The following RNLS variants were observed in gnomAD, a reference collection of about 807,000 sequenced individuals.
RNLS encodes renalase.
Under a neutral mutation model 39.8 loss-of-function variants are expected in RNLS, and 39 were observed. That is an observed-to-expected ratio of 0.98 (90% CI 0.76 to 1.28). RNLS has a LOEUF of 1.28. Among genes scored for constraint, RNLS ranks in the 50% most tolerant of loss-of-function variants. RNLS has a pLI of 0.00. For synonymous variants in RNLS, 147 were observed against 150.7 expected (o/e 0.98, Z 0.18); for missense variants, 410 against 413.3 (o/e 0.99, Z 0.07).
At chr10:88,499,996 G>A (rs1845384511) in intron 4 of RNLS, among the ~76,000 whole-genome samples, 1 of 152,098 alleles carries the variant, frequency 6.6e-6, no homozygotes, top group Non-Finnish European at 1.5e-5. Flanking sequence ...GGTGAGGCTT[G>A]GAGAAAGAAT....
intron 6 of RNLS, among the ~76,000 whole-genome samples, chr10:88,311,558 A>T (rs965705242): frequency 6.6e-6 from 1 of 152,190 alleles, no homozygotes; most frequent in Non-Finnish European, 1.5e-5. Flanking sequence ...ACAGCTCCCA[A>T]GTCTTTCAAA....
Position 88,346,896 on chromosome 10 carries a change from G to A in RNLS, c.700+15656C>T, listed in dbSNP as rs182724534. On this transcript the variant is annotated intron_variant, in intron 5 of 6. Transcript: ENST00000331772. ...AAGCAGCAGGCTCTGCAGTCAGAGCGTATTACTTCTTTAGCCCATGAGACA... is the reference window on the plus strand; with the variant it reads ...AAGCAGCAGGCTCTGCAGTCAGAGCATATTACTTCTTTAGCCCATGAGACA... 4.9e-4 allele frequency among the ~76,000 whole-genome samples: 74 copies of A among 152,284 alleles called. No individual in the cohort carries two copies. The South Asian group carries it at 8.3e-3, about 17-fold the overall frequency.
the RNLS span, among the ~76,000 whole-genome samples, chr10:88,264,117 C>T: frequency 0.13 from 19,609 of 152,130 alleles, 1,584 homozygotes; most frequent in East Asian, 0.23. Flanking sequence ...TAATGGTCTC[C>T]AATTCCATCC....
At chr10:88,576,935 G>C (rs1850245200) in intron 3 of RNLS, among the ~76,000 whole-genome samples, 1 of 152,100 alleles carries the variant, frequency 6.6e-6, no homozygotes, top group Non-Finnish European at 1.5e-5. Context: ...TGCAGCAACA[G>C]CCCTCCCTAT....
intron 4 of RNLS, among the ~76,000 whole-genome samples, chr10:88,547,099 T>C (rs1235981945): frequency 6.6e-6 from 1 of 152,246 alleles, no homozygotes; most frequent in Non-Finnish European, 1.5e-5. Context: ...ATTTCATTAT[T>C]CTGAAGCAGT....
intron 4 of RNLS, among the ~76,000 whole-genome samples, chr10:88,397,903 T>A (rs1852660034): frequency 6.6e-6 from 1 of 151,780 alleles, no homozygotes; most frequent in South Asian, 2.1e-4. Flanking sequence ...ATCAATGAAA[T>A]AAAATTGAGA....
chr10:88,205,575 G>C, the RNLS span, among the ~76,000 whole-genome samples: 1 of 152,126 alleles, frequency 6.6e-6, no homozygotes, highest in East Asian at 1.9e-4. Context: ...CCAAAGAAGA[G>C]TACTAAATAC....
the RNLS span, among the ~76,000 whole-genome samples, chr10:88,181,323 T>G: frequency 6.6e-6 from 1 of 152,164 alleles, no homozygotes. Context: ...AACAGGGGCC[T>G]ATTCTTCCCT....
chr10:88,391,524 C>T (rs548954967), intron 4 of RNLS, among the ~76,000 whole-genome samples: 1 of 152,262 alleles, frequency 6.6e-6, no homozygotes, highest in Admixed American at 6.5e-5. Context: ...CGCCACTGCA[C>T]TCCAGCCTGG....
chr10:88,411,517 C>A (rs1853652194), intron 4 of RNLS, among the ~76,000 whole-genome samples: 1 of 150,888 alleles, frequency 6.6e-6, no homozygotes, highest in Non-Finnish European at 1.5e-5. Flanking sequence ...TAAGCCCCAT[C>A]TTCTGTTTTT....
At chr10:88,448,964 A>C (rs1178273667) in intron 4 of RNLS, among the ~76,000 whole-genome samples, 1 of 152,220 alleles carries the variant, frequency 6.6e-6, no homozygotes, top group Non-Finnish European at 1.5e-5. Flanking sequence ...ACACTTGGAC[A>C]CAGGAAGGGG....
chr10:88,384,799 T>A (rs1376646423), intron 4 of RNLS, among the ~76,000 whole-genome samples: 1 of 152,224 alleles, frequency 6.6e-6, no homozygotes, highest in Non-Finnish European at 1.5e-5. Flanking sequence ...GCTATTGAGT[T>A]GACGTTTGTT....
chr10:88,557,814 A>G (rs1462712920), intron 4 of RNLS, among the ~76,000 whole-genome samples: 22 of 152,144 alleles, frequency 1.4e-4, no homozygotes, highest in Admixed American at 1.4e-3. Flanking sequence ...TCAGATGGGG[A>G]AAAGTTTAAT....
the RNLS span, among the ~76,000 whole-genome samples, chr10:88,182,277 G>C: frequency 6.6e-6 from 1 of 152,010 alleles, no homozygotes; most frequent in South Asian, 2.1e-4. Context: ...CCAGGTGACC[G>C]GATGTACCTA....
chr10:88,221,749 G>A, the RNLS span, among the ~76,000 whole-genome samples: 1 of 152,078 alleles, frequency 6.6e-6, no homozygotes, highest in Non-Finnish European at 1.5e-5. Context: ...TCTGGTGTAT[G>A]TGTTGCACAT....
At chr10:88,455,824 C>T (rs1842600040) in intron 4 of RNLS, among the ~76,000 whole-genome samples, 1 of 152,114 alleles carries the variant, frequency 6.6e-6, no homozygotes, top group Non-Finnish European at 1.5e-5. Flanking sequence ...TTGGTTATTT[C>T]CCACAAAACA....
chr10:88,192,244 T>C, the RNLS span, among the ~76,000 whole-genome samples: 1 of 152,142 alleles, frequency 6.6e-6, no homozygotes, highest in Non-Finnish European at 1.5e-5. Flanking sequence ...TTTTAGTTTC[T>C]TCATCTGTAA....
intron 6 of RNLS, among the ~76,000 whole-genome samples, chr10:88,302,884 G>A (rs933340074): frequency 6.6e-6 from 1 of 152,180 alleles, no homozygotes; most frequent in African/African-American, 2.4e-5. Context: ...GAGGCAAGAT[G>A]GCTGACTAGA....
the RNLS span, among the ~76,000 whole-genome samples, chr10:88,173,086 C>A: frequency 6.6e-6 from 1 of 151,856 alleles, no homozygotes; most frequent in Non-Finnish European, 1.5e-5. Flanking sequence ...TCTCGATCTC[C>A]TGACCTTGTG....
Sources: allele counts gnomAD v4.1 joint callset (sites outside exome capture counted in the v4.1 genomes callset), GRCh38; gene constraint gnomAD v4.1.1; transcripts MANE v1.5; gene names NCBI Gene and HGNC (gene_info 2026-07-23, HGNC 2026-07-21).